Variants in CRTAC1 observed in about 807,000 individuals in gnomAD.
CRTAC1 encodes acidic secreted protein in cartilage.
Under a neutral mutation model 67.8 loss-of-function variants are expected in CRTAC1, and 37 were observed. The observed-to-expected ratio is 0.55, with a 90% CI of 0.42 to 0.72. The LOEUF is 0.72. Ranked by LOEUF, CRTAC1 falls within the 30% of genes least tolerant of loss-of-function variation. The pLI, the probability that CRTAC1 is intolerant of heterozygous loss-of-function variation, is 0.00. For missense variants in CRTAC1, 780 were observed against 931.6 expected, an observed-to-expected ratio of 0.84 and a Z score of 2.12; for synonymous variants, 348 against 371.0, an observed-to-expected ratio of 0.94 and a Z score of 0.71.
At chr10:98,023,288 T>C (rs929297223) in intron 1 of CRTAC1, among the ~76,000 whole-genome samples, 2 of 152,196 alleles carry the variant, frequency 1.3e-5, no homozygotes, top group Non-Finnish European at 1.5e-5. Flanking sequence ...GAGGTTTACA[T>C]AGTCCTTGTG....
intron 2 of CRTAC1, among the ~76,000 whole-genome samples, chr10:97,959,986 C>A (rs1311350513): frequency 6.6e-6 from 1 of 152,242 alleles, no homozygotes; most frequent in Non-Finnish European, 1.5e-5. Context: ...GGGCTGGCCC[C>A]ATAGGCACAC....
chr10:97,885,060 C>G (rs977389299), intron 11 of CRTAC1, among the ~76,000 whole-genome samples: 2 of 152,224 alleles, frequency 1.3e-5, no homozygotes, highest in Non-Finnish European at 2.9e-5. Context: ...GACAAGCAAA[C>G]AGATGAACAA....
chr10:97,879,783 C>T (rs1343382400), intron 14 of CRTAC1: 1 of 1,530,182 alleles, frequency 6.5e-7, no homozygotes, highest in East Asian at 2.5e-5. Flanking sequence ...AGAATACCCA[C>T]CTAAAAAGGC....
intron 1 of CRTAC1, among the ~76,000 whole-genome samples, chr10:98,011,834 C>T (rs970880025): frequency 1.3e-5 from 2 of 152,170 alleles, no homozygotes; most frequent in Non-Finnish European, 2.9e-5. Context: ...AATACAAAGG[C>T]ATTTCCCATA....
chr10:97,900,761 AG>A (rs2050525391), intron 8 of CRTAC1, among the ~76,000 whole-genome samples: 2 of 113,590 alleles, frequency 1.8e-5, no homozygotes, highest in African/African-American at 4.0e-5. Context: ...TAGTGATTGG[AG>A]CCCGTAGCCC....
At chr10:97,972,474 G>A (rs1460924122) in intron 2 of CRTAC1, among the ~76,000 whole-genome samples, 2 of 152,170 alleles carry the variant, frequency 1.3e-5, no homozygotes, top group African/African-American at 2.4e-5. Flanking sequence ...GTGTGGTGTA[G>A]GACTGGAAAC....
intron 3 of CRTAC1, among the ~76,000 whole-genome samples, chr10:97,927,767 G>C (rs368778903): frequency 6.6e-6 from 1 of 152,378 alleles, no homozygotes; most frequent in South Asian, 2.1e-4. Flanking sequence ...ATGGGAGCCC[G>C]TGATTTAGGA....
chr10:97,869,568 C>T (rs1365709651), intron 14 of CRTAC1: 1 of 152,408 alleles, frequency 6.6e-6, no homozygotes, highest in Non-Finnish European at 1.5e-5. Context: ...GGCTTCCTTC[C>T]TTTGGCCACA....
intron 3 of CRTAC1, among the ~76,000 whole-genome samples, chr10:97,929,603 T>G (rs764430830): frequency 6.6e-6 from 1 of 152,178 alleles, no homozygotes; most frequent in Non-Finnish European, 1.5e-5. Flanking sequence ...CAACCCTCCC[T>G]CTAGGTGGAT....
At chr10:98,021,616 G>A (rs1020088577) in intron 1 of CRTAC1, among the ~76,000 whole-genome samples, 2 of 152,200 alleles carry the variant, frequency 1.3e-5, no homozygotes, top group Admixed American at 6.5e-5. Flanking sequence ...GTTAAGTGCT[G>A]AGCATAATGC....
chr10:97,994,020 C>T (rs959586571), intron 2 of CRTAC1, among the ~76,000 whole-genome samples: 1 of 152,050 alleles, frequency 6.6e-6, no homozygotes, highest in African/African-American at 2.4e-5. Flanking sequence ...CCATGCCTGG[C>T]TAATTTTTGT....
intron 6 of CRTAC1, among the ~76,000 whole-genome samples, chr10:97,907,128 C>T (rs927904505): frequency 2.6e-5 from 4 of 152,206 alleles, no homozygotes; most frequent in African/African-American, 9.7e-5. Context: ...CCGGTGGGCA[C>T]TGGAGGCCAA....
In CRTAC1 at chr10:97,975,317, C is replaced by G. The variant is rs924467147; in HGVS notation, c.224+35821G>C. ...CACGGAGCACGGGTGCTGCGGGAGGCGCCAGGGCCGGTTCCTGACCCGCCT... is the reference window on the plus strand; with the variant it reads ...CACGGAGCACGGGTGCTGCGGGAGGGGCCAGGGCCGGTTCCTGACCCGCCT... On this transcript the variant is annotated intron_variant, in intron 2 of 14. Transcript: ENST00000370597. The surrounding 1 kb of genome is among the most constrained non-coding windows in gnomAD (Gnocchi z 4.8). 1.3e-5 allele frequency among the ~76,000 whole-genome samples: 2 copies of G among 151,966 alleles called. No homozygotes were observed. Among genetic ancestry groups the G allele is most frequent in the Admixed American group, 1.3e-4 (2 of 15,278 alleles).
chr10:97,991,964 C>G (rs1842468983), intron 2 of CRTAC1, among the ~76,000 whole-genome samples: 1 of 152,196 alleles, frequency 6.6e-6, no homozygotes, highest in South Asian at 2.1e-4. Context: ...CCATACTTTT[C>G]AAAGTCTTCC....
intron 1 of CRTAC1, among the ~76,000 whole-genome samples, chr10:98,022,356 A>C (rs1843141893): frequency 6.6e-6 from 1 of 152,006 alleles, no homozygotes; most frequent in South Asian, 2.1e-4. Flanking sequence ...ACTCCTTCTC[A>C]AAAAGAAAAA....
At chr10:98,027,265 A>G (rs1365099814) in intron 1 of CRTAC1, among the ~76,000 whole-genome samples, 1 of 152,182 alleles carries the variant, frequency 6.6e-6, no homozygotes, top group African/African-American at 2.4e-5. Flanking sequence ...GGCTCTCGGA[A>G]CAGAAGAAAG....
intron 1 of CRTAC1, among the ~76,000 whole-genome samples, chr10:98,013,615 A>G (rs569119363): frequency 1.3e-5 from 2 of 152,312 alleles, no homozygotes; most frequent in South Asian, 4.1e-4. Flanking sequence ...TTTCTTCTCC[A>G]AAATAAAGGT....
At chr10:97,948,123 A>G (rs903449392) in intron 2 of CRTAC1, among the ~76,000 whole-genome samples, 1 of 151,602 alleles carries the variant, frequency 6.6e-6, no homozygotes, top group African/African-American at 2.4e-5. Flanking sequence ...AAAAAAAAAA[A>G]ACTCTTCTGA....
chr10:97,944,582 A>C (rs2051234669), intron 2 of CRTAC1, among the ~76,000 whole-genome samples: 1 of 152,188 alleles, frequency 6.6e-6, no homozygotes, highest in Non-Finnish European at 1.5e-5. Context: ...AAAAATGGTC[A>C]CCATCATTTC....
Sources: allele counts gnomAD v4.1 joint callset (sites outside exome capture counted in the v4.1 genomes callset), GRCh38; gene constraint gnomAD v4.1.1; non-coding constraint Gnocchi (gnomAD v3.1); transcripts MANE v1.5; gene names NCBI Gene and HGNC (gene_info 2026-07-23, HGNC 2026-07-21).